Variants in ARHGAP32 observed in about 807,000 individuals in gnomAD.
The protein encoded by ARHGAP32 is rho GTPase-activating protein 32.
ARHGAP32 carries 51 observed loss-of-function variants against 186.5 expected under a neutral mutation model. That is an observed-to-expected ratio of 0.27 (90% CI 0.22 to 0.35). The LOEUF is 0.35. Ranked by LOEUF, ARHGAP32 falls within the 10% of genes least tolerant of loss-of-function variation. The probability of loss-of-function intolerance (pLI) is 1.00; values close to 1 mark genes in which losing one functional copy is unlikely to be tolerated. For synonymous variants in ARHGAP32, 950 were observed against 964.3 expected, an observed-to-expected ratio of 0.99 and a Z score of 0.27; for missense variants, 2,186 against 2,623.5, an observed-to-expected ratio of 0.83 and a Z score of 3.64.
intron 11 of ARHGAP32, among the ~76,000 whole-genome samples, chr11:129,003,035 A>T (rs1381025889): frequency 6.6e-6 from 1 of 152,126 alleles, no homozygotes; most frequent in Non-Finnish European, 1.5e-5. Context: ...TGACCTCGTG[A>T]TCTGCCCGCC....
intron 11 of ARHGAP32, among the ~76,000 whole-genome samples, chr11:129,013,545 T>C (rs891165119): frequency 3.3e-5 from 5 of 152,210 alleles, no homozygotes; most frequent in Admixed American, 3.3e-4. Context: ...CTCCTCTTCA[T>C]TGTGGTAGAC....
At chr11:129,124,967 T>C (rs1348254396) in intron 2 of ARHGAP32, 73 bp from the exon 3 acceptor site, 26 of 1,152,176 alleles carry the variant, frequency 2.3e-5, no homozygotes, top group Non-Finnish European at 2.9e-5. Flanking sequence ...AGGTTATAAT[T>C]TATGTTAATA....
intron 1 of ARHGAP32, among the ~76,000 whole-genome samples, chr11:129,271,348 C>T (rs1945470115): frequency 6.6e-6 from 1 of 151,918 alleles, no homozygotes; most frequent in Admixed American, 6.6e-5. Context: ...CCAGACTTAA[C>T]ATGAGATGAG....
At chr11:129,207,098 G>T (rs2135585303) in intron 1 of ARHGAP32, among the ~76,000 whole-genome samples, 1 of 152,160 alleles carries the variant, frequency 6.6e-6, no homozygotes, top group Non-Finnish European at 1.5e-5. Flanking sequence ...TCTTTTTTAT[G>T]GCTGCATAGT....
chr11:129,193,062 T>C (rs1417526065), upstream of ARHGAP32, among the ~76,000 whole-genome samples: 5 of 152,072 alleles, frequency 3.3e-5, no homozygotes, highest in African/African-American at 9.7e-5. Flanking sequence ...TGGATATTCA[T>C]GGCTATTTGT....
At chr11:129,198,854 A>C (rs1044997721) in intron 1 of ARHGAP32, among the ~76,000 whole-genome samples, 14 of 152,250 alleles carry the variant, frequency 9.2e-5, no homozygotes, top group African/African-American at 3.4e-4. Flanking sequence ...GAAGAAAGAA[A>C]AATGTGGGAA....
chr11:129,235,701 C>T (rs1944919911), intron 1 of ARHGAP32, among the ~76,000 whole-genome samples: 2 of 152,052 alleles, frequency 1.3e-5, no homozygotes, highest in African/African-American at 4.8e-5. Context: ...TATCTCTCCC[C>T]CTTCCCCACT....
In ARHGAP32 at chr11:128,972,527, T is replaced by C; in HGVS notation, c.3979A>G (p.Arg1327Gly). Residue 1327 changes from arginine to glycine, a missense_variant, in exon 22 of 23, where the codon AGA becomes GGA. Physicochemically the swap from Arg to Gly is moderately radical, Grantham distance 125. This residue lies in a region of ARHGAP32 where 1,502 missense variants were observed against 1,570.0 expected (regional missense o/e 0.96). Transcript: ENST00000682385. ...NRPLPPPPSQ[R>G]SAEQPPVVGQ... The stretch of plus-strand genomic sequence containing the variant: ...ACAACTGGTGGCTGCTCTGCAGATC[T>C]CTGGGAAGGCGGAGGGGGAAGGGGA... 1 of 1,556,798 alleles carries C rather than the reference T, an allele frequency of 6.4e-7. No homozygotes were observed. The highest frequency in any genetic ancestry group is 1.7e-4 in the Middle Eastern group (1 of 5,764).
intron 12 of ARHGAP32, 85 bp from the exon 13 acceptor site, chr11:128,988,210 C>A: frequency 1.0e-5 from 10 of 970,650 alleles, no homozygotes; most frequent in South Asian, 5.6e-5. Context: ...TCTTAGTTTA[C>A]AAAAGTAAAA....
intron 1 of ARHGAP32, among the ~76,000 whole-genome samples, chr11:129,264,816 C>G (rs1177730193): frequency 5.9e-5 from 9 of 152,134 alleles, no homozygotes; most frequent in Non-Finnish European, 1.3e-4. Context: ...CTGATCATGC[C>G]TTGGAACTCA....
chr11:129,179,939 TATA>T (rs1457333668), intron 1 of ARHGAP32, among the ~76,000 whole-genome samples: 1 of 151,954 alleles, frequency 6.6e-6, no homozygotes, highest in Non-Finnish European at 1.5e-5. Context: ...AAACTTAAAG[TATA>T]ATAATAAAAA....
chr11:129,052,991 A>T (rs942820828), intron 10 of ARHGAP32, among the ~76,000 whole-genome samples: 1 of 152,120 alleles, frequency 6.6e-6, no homozygotes, highest in African/African-American at 2.4e-5. Context: ...TTTTGTCAAT[A>T]ATTTCTATAA....
intron 1 of ARHGAP32, among the ~76,000 whole-genome samples, chr11:129,266,292 T>C (rs1013144978): frequency 2.6e-5 from 4 of 152,166 alleles, no homozygotes; most frequent in African/African-American, 7.2e-5. Context: ...GCACAAAACC[T>C]ACTGTGACAC....
chr11:129,171,887 T>A (rs1042823599), intron 1 of ARHGAP32, among the ~76,000 whole-genome samples: 6 of 152,168 alleles, frequency 3.9e-5, no homozygotes, highest in African/African-American at 7.2e-5. Context: ...GCCCTTCACA[T>A]CCCCTGTTAA....
intron 15 of ARHGAP32, among the ~76,000 whole-genome samples, chr11:128,983,875 C>T (rs1945786127): frequency 6.6e-6 from 1 of 152,014 alleles, no homozygotes; most frequent in Admixed American, 6.6e-5. Context: ...GTCAGGATTC[C>T]ACAAAATGAG....
At chr11:129,125,865 A>T (rs1477133548) in intron 2 of ARHGAP32, 1 of 441,542 alleles carries the variant, frequency 2.3e-6, no homozygotes, top group Admixed American at 2.6e-5. Flanking sequence ...CTTCTTAGAT[A>T]TATTTTTACT....
Position 128,971,132 on chromosome 11 carries a change from T to G in ARHGAP32, c.4081A>C (p.Arg1361=). 6.2e-7 allele frequency: 1 copy of G among 1,613,556 alleles called. No individual in the cohort carries two copies. The highest frequency in any genetic ancestry group is 1.3e-5 in the African/African-American group (1 of 75,046). ...KVQGVVPVPE[R]PPEPRAMDDP... is the part of the protein sequence containing the mutation. ...TCCATGGCTCGAGGTTCAGGTGGCC[T>G]CTCTGGAACTGGAACTACTCCTTGA... Residue 1361 remains arginine, a synonymous_variant, in exon 23 of 23, where the codon AGG becomes CGG. Transcript: ENST00000682385.
intron 6 of ARHGAP32, among the ~76,000 whole-genome samples, chr11:129,087,702 C>T (rs1312314735): frequency 6.6e-6 from 1 of 152,214 alleles, no homozygotes; most frequent in Non-Finnish European, 1.5e-5. Context: ...AGAATATACA[C>T]CTCCAAGAGT....
chr11:129,034,448 T>C (rs1300122092), intron 11 of ARHGAP32, among the ~76,000 whole-genome samples: 1 of 152,032 alleles, frequency 6.6e-6, no homozygotes, highest in African/African-American at 2.4e-5. Flanking sequence ...CTTGCTTTTC[T>C]TCTCTGTTCT....
Sources: gnomAD v4.1 joint callset for allele counts (sites outside exome capture counted in the v4.1 genomes callset) on GRCh38, gnomAD v4.1.1 for gene constraint, gnomAD v4.1.1 regional missense constraint, MANE v1.5 for transcripts, NCBI Gene and HGNC (gene_info 2026-07-23, HGNC 2026-07-21) for gene names.